The following ITIH4 variants were observed in gnomAD, a reference collection of about 807,000 sequenced individuals.
ITIH4 encodes the protein inter-alpha-trypsin inhibitor heavy chain 4.
Under a neutral mutation model 111.8 loss-of-function variants are expected in ITIH4, and 79 were observed. That is an observed-to-expected ratio of 0.71 (90% CI 0.59 to 0.85). The LOEUF is 0.85. Ranked by LOEUF, ITIH4 falls within the 40% of genes least tolerant of loss-of-function variation. The pLI is 0.00. For synonymous variants in ITIH4, 472 were observed against 468.3 expected, an observed-to-expected ratio of 1.01 and a Z score of -0.10; for missense variants, 1,065 against 1,195.8, an observed-to-expected ratio of 0.89 and a Z score of 1.61.
Position 52,818,277 on chromosome 3 carries a change from G to C in ITIH4, c.2159C>G (p.Thr720Ser). The C allele has an allele frequency of 6.3e-7, 1 of 1,579,050 alleles. No individual in the cohort carries two copies. Among genetic ancestry groups the C allele is most frequent in the Non-Finnish European group, 8.6e-7 (1 of 1,164,002 alleles). ...RVMNMKIEET[T>S]MTTQTPAPIQ... Reference sequence around the variant, plus strand: ...CTTACCTGGGGTTTGGGTTGTCATGGTTGTTTCTAAAAGAAGAAAAAGTCT... The same window carrying C: ...CTTACCTGGGGTTTGGGTTGTCATGCTTGTTTCTAAAAGAAGAAAAAGTCT... The change falls in exon 19 of 24, where the codon ACC (threonine) becomes AGC (serine). Residue 720 changes from threonine (T) to serine (S), a missense_variant. Transcript: ENST00000266041.
At chr3:52,813,849 C>A in intron 23 of ITIH4, 126 bp downstream of exon 23, 1 of 753,594 alleles carries the variant, frequency 1.3e-6, no homozygotes, top group Non-Finnish European at 2.3e-6. Flanking sequence ...ACAGCATCAA[C>A]CTTCCACCGG....
At position 52,818,108 on chromosome 3, in the gene ITIH4, C is replaced by G. The variant is rs1052653688; in HGVS notation, c.2240G>C (p.Cys747Ser). Residue 747 changes from cysteine (C) to serine (S), a missense_variant, in exon 20 of 24, where the codon TGT becomes TCT. Coordinates refer to ENST00000266041, the MANE Select transcript of ITIH4 (RefSeq NM_002218.5). The stretch of plus-strand genomic sequence containing the variant: ...CCCCTGGCGGTGTCTGGGGTCCACA[C>G]AGAGCCGCTCCACACTCTGCCCAGG... ...PLPGQSVERL[C>S]VDPRHRQGPV... 9 of 1,613,894 alleles carry G rather than the reference C, an allele frequency of 5.6e-6. No individual in the cohort carries two copies. Among genetic ancestry groups the G allele is most frequent in the Non-Finnish European group, 7.6e-6 (9 of 1,180,018 alleles).
chr3:52,829,275 C>A lies in ITIH4; in HGVS notation c.95G>T (p.Gly32Val), dbSNP rs200304511. ...IHQTTTAEKN[G>V]IDIYSLTVDS... ...CACGGTGAGGCTGTAGATGTCGATGCCATTCTGGACCAGCAAAGAAGAAGG... is the reference window on the plus strand; with the variant it reads ...CACGGTGAGGCTGTAGATGTCGATGACATTCTGGACCAGCAAAGAAGAAGG... The change falls in exon 2 of 24, where the codon GGC becomes GTC. Residue 32 changes from glycine (G) to valine (V), a missense_variant. By Grantham distance (109) the Gly-to-Val change is moderately radical (BLOSUM62 -3). Transcript: ENST00000266041. 55 of 1,600,870 alleles carry A rather than the reference C, an allele frequency of 3.4e-5. No homozygotes were observed. In the East Asian group the frequency reaches 1.1e-3, roughly 33 times the overall value.
chr3:52,818,157 C>T lies in ITIH4; in HGVS notation c.2191G>A (p.Ala731Thr). The change falls in exon 20 of 24, where the codon GCT becomes ACT. Residue 731 changes from alanine to threonine, a missense_variant. Coordinates refer to ENST00000266041, the MANE Select transcript of ITIH4 (RefSeq NM_002218.5). Reference protein sequence around the residue: ...MTTQTPAPIQAPSAILPLPGQ... With the variant: ...MTTQTPAPIQTPSAILPLPGQ... Reference sequence around the variant, plus strand: ...GGCAGTGGCAGGATGGCAGAGGGAGCCTGTATGGGGGCTGGGACAGCCGGG... The same window carrying T: ...GGCAGTGGCAGGATGGCAGAGGGAGTCTGTATGGGGGCTGGGACAGCCGGG... The T allele has an allele frequency of 1.2e-6, 2 of 1,611,954 alleles. No homozygotes were observed. The highest frequency in any genetic ancestry group is 2.2e-5 in the East Asian group (1 of 44,848).
At chr3:52,816,630 A>T (rs924294359) in intron 21 of ITIH4, among the ~76,000 whole-genome samples, 1 of 152,194 alleles carries the variant, frequency 6.6e-6, no homozygotes, top group Non-Finnish European at 1.5e-5. Context: ...GGTCACAAGG[A>T]TTAGCAGCAG....
chr3:52,816,203 C>T (rs894139013), intron 21 of ITIH4, among the ~76,000 whole-genome samples: 2 of 152,166 alleles, frequency 1.3e-5, no homozygotes, highest in African/African-American at 4.8e-5. Context: ...CCTGGACGCC[C>T]CTCGTGATCT....
chr3:52,813,924 A>C, intron 23 of ITIH4, 51 bp downstream of exon 23: 1 of 1,467,958 alleles, frequency 6.8e-7, no homozygotes, highest in African/African-American at 1.4e-5. Flanking sequence ...CTGGCCTGCC[A>C]GTCCCCACCC....
Position 52,830,579 on chromosome 3 carries a change from T to C in ITIH4, c.64A>G (p.Ile22Val). 3 of 1,614,172 alleles carry C rather than the reference T, an allele frequency of 1.9e-6. No homozygotes were observed. The highest frequency in any genetic ancestry group is 1.1e-5 in the South Asian group (1 of 91,078). ...KVLVLLSLLA[I>V]HQTTTAEKNG... Reference sequence around the variant, plus strand: ...TTTTCGGCAGTAGTAGTCTGGTGGATGGCCAGCAGTGAAAGCAGGACGAGA... The same window carrying C: ...TTTTCGGCAGTAGTAGTCTGGTGGACGGCCAGCAGTGAAAGCAGGACGAGA... The change falls in exon 1 of 24, where the codon ATC becomes GTC. Residue 22 changes from isoleucine (I) to valine (V), a missense_variant. Transcript: ENST00000266041.
Position 52,826,569 on chromosome 3 carries a change from G to T in ITIH4, c.602C>A (p.Ala201Asp). Residue 201 changes from alanine to aspartate, a missense_variant, in exon 5 of 24, where the codon GCC becomes GAC. Ala to Asp is a moderately radical substitution (Grantham distance 126). Coordinates refer to ENST00000266041, the MANE Select transcript of ITIH4 (RefSeq NM_002218.5). ...GGTCTTATTCTGCCAGGTGGTGAGG[G>T]CGTCTACCAGCTGGTTGGTCATGAA... ...STFMTNQLVD[A>D]LTTWQNKTKA... 1 of 1,614,074 alleles carries T rather than the reference G, an allele frequency of 6.2e-7. No homozygotes were observed. The highest frequency in any genetic ancestry group is 2.2e-5 in the East Asian group (1 of 44,882).
intron 13 of ITIH4, 61 bp from the exon 14 acceptor site, chr3:52,820,378 G>A (rs1700359131): frequency 3.2e-6 from 5 of 1,570,868 alleles, no homozygotes; most frequent in Admixed American, 3.5e-5. Flanking sequence ...GACACCGTCA[G>A]GGTGGTTTTC....
chr3:52,819,590 C>T (rs760635462), intron 16 of ITIH4, 72 bp from the exon 17 acceptor site: 5 of 1,603,918 alleles, frequency 3.1e-6, no homozygotes, highest in Non-Finnish European at 4.3e-6. Context: ...GCTTGAGATC[C>T]ACCCAGGAGT....
intron 18 of ITIH4, 32 bp downstream of exon 18, chr3:52,818,429 CT>C (rs766001814): frequency 6.3e-7 from 1 of 1,584,108 alleles, no homozygotes. Flanking sequence ...CAGGATCCCC[CT>C]GTTAGGACAG....
chr3:52,828,124 G>A (rs1199340706), intron 2 of ITIH4, among the ~76,000 whole-genome samples: 1 of 152,238 alleles, frequency 6.6e-6, no homozygotes, highest in Non-Finnish European at 1.5e-5. Flanking sequence ...TCCTGGCCAG[G>A]TCAGGGAGCA....
intron 2 of ITIH4, among the ~76,000 whole-genome samples, chr3:52,828,410 AGAGGCCACAGTGT>A (rs1356125792): frequency 3.3e-5 from 5 of 152,224 alleles, no homozygotes; most frequent in Admixed American, 1.3e-4. Flanking sequence ...GCAGTTTTCC[AGAGGCCACAGTGT>A]GGGACCCCAC....
At chr3:52,813,603 C>T (rs1158776546) in intron 23 of ITIH4, 113 bp from the exon 24 acceptor site, 2 of 922,938 alleles carry the variant, frequency 2.2e-6, no homozygotes, top group Non-Finnish European at 3.5e-6. Context: ...CCTGGCGTCC[C>T]TTTAGAATTC....
intron 21 of ITIH4, among the ~76,000 whole-genome samples, chr3:52,814,646 G>C (rs1403196043): frequency 6.6e-6 from 1 of 152,172 alleles, no homozygotes; most frequent in Non-Finnish European, 1.5e-5. Context: ...CAGTGCAGTG[G>C]TGTGATCTCA....
At chr3:52,822,798 A>AG (rs1447463771) in intron 11 of ITIH4, among the ~76,000 whole-genome samples, 1 of 152,168 alleles carries the variant, frequency 6.6e-6, no homozygotes, top group East Asian at 1.9e-4. Flanking sequence ...CTCATGCCAC[A>AG]GGGGCCTAAC....
chr3:52,819,710 C>T (rs113745155), intron 16 of ITIH4, 44 bp downstream of exon 16: 44 of 1,603,894 alleles, frequency 2.7e-5, no homozygotes, highest in East Asian at 4.5e-5. Flanking sequence ...CAAGCTCCCC[C>T]CCAGGGATGT....
In ITIH4 at chr3:52,828,623, T is replaced by C. The variant is rs988430809; in HGVS notation, c.251+496A>G. Among the ~76,000 whole-genome samples, 6 of 152,176 alleles carry C rather than the reference T, an allele frequency of 3.9e-5. 1 individual carries two copies. The South Asian group carries it at 6.2e-4, about 16-fold the overall frequency. ...CAAAGTGAGGACCATCCTTGGCTCATAGAATTCAGAGAAACCTCAGGCATC... is the reference window on the plus strand; with the variant it reads ...CAAAGTGAGGACCATCCTTGGCTCACAGAATTCAGAGAAACCTCAGGCATC... On this transcript the variant is annotated intron_variant, in intron 2 of 23. Coordinates refer to ENST00000266041, the MANE Select transcript of ITIH4 (RefSeq NM_002218.5).
Sources: allele counts gnomAD v4.1 joint callset (sites outside exome capture counted in the v4.1 genomes callset), GRCh38; gene constraint gnomAD v4.1.1; transcripts MANE v1.5; gene names NCBI Gene and HGNC (gene_info 2026-07-23, HGNC 2026-07-21).